The following ADK variants were observed in gnomAD, a reference collection of about 807,000 sequenced individuals.
ADK encodes N6,N6-dimethyladenosine kinase.
ADK carries 24 observed loss-of-function variants against 44.7 expected under a neutral mutation model. The observed-to-expected ratio is 0.54, with a 90% confidence interval of 0.39 to 0.76. The LOEUF is 0.76. Ranked by LOEUF, ADK falls within the 30% of genes least tolerant of loss-of-function variation. The probability of loss-of-function intolerance (pLI) is 0.00; values close to 1 mark genes in which losing one functional copy is unlikely to be tolerated. For synonymous variants in ADK, 128 were observed against 142.6 expected (o/e 0.90, Z 0.73); for missense variants, 321 against 425.1 (o/e 0.76, Z 2.15).
chr10:74,203,331 A>G (rs1022487616), intron 2 of ADK, among the ~76,000 whole-genome samples: 2 of 151,206 alleles, frequency 1.3e-5, no homozygotes, highest in African/African-American at 2.4e-5. Context: ...CCAGTATGAC[A>G]TTGGTGTTTT....
At chr10:74,325,036 T>C (rs1416425365) in intron 4 of ADK, among the ~76,000 whole-genome samples, 1 of 152,234 alleles carries the variant, frequency 6.6e-6, no homozygotes, top group Non-Finnish European at 1.5e-5. Context: ...ATGAAGATTA[T>C]CATTGTCATT....
chr10:74,443,586 T>G (rs1845497323), intron 6 of ADK, among the ~76,000 whole-genome samples: 1 of 152,164 alleles, frequency 6.6e-6, no homozygotes, highest in Non-Finnish European at 1.5e-5. Context: ...CAGGATTTCT[T>G]TGGGAGTTAG....
intron 9 of ADK, among the ~76,000 whole-genome samples, chr10:74,616,618 G>A (rs1409274614): frequency 1.3e-5 from 2 of 151,988 alleles, no homozygotes; most frequent in East Asian, 3.9e-4. Flanking sequence ...TGATAACTTA[G>A]GTTTATAATC....
At chr10:74,456,702 A>G (rs1028484801) in intron 6 of ADK, among the ~76,000 whole-genome samples, 5 of 150,642 alleles carry the variant, frequency 3.3e-5, no homozygotes, top group Admixed American at 1.3e-4. Context: ...CTCACTGAAA[A>G]CCACCCAACC....
At chr10:74,576,348 G>A (rs932619698) in intron 7 of ADK, among the ~76,000 whole-genome samples, 2 of 151,990 alleles carry the variant, frequency 1.3e-5, no homozygotes, top group African/African-American at 4.8e-5. Flanking sequence ...ATGCTAGAGT[G>A]CATGGGGAAA....
chr10:74,398,393 A>T, intron 5 of ADK, 78 bp from the exon 6 acceptor site: 1 of 911,202 alleles, frequency 1.1e-6, no homozygotes, highest in Non-Finnish European at 1.7e-6. Context: ...AACTTTGCAA[A>T]AAATATTGGT....
Position 74,177,945 on chromosome 10 carries a change from A to ATATTTTTT in ADK, c.66-22818_66-22817insATTTTTTT, listed in dbSNP as rs10693309. 4.1e-3 allele frequency among the ~76,000 whole-genome samples: 448 copies of ATATTTTTT among 108,942 alleles called. 3 individuals are homozygous for ATATTTTTT. Among genetic ancestry groups the ATATTTTTT allele is most frequent in the East Asian group, 0.019 (81 of 4,374 alleles). 71.5% of individuals were successfully genotyped at this position (108,942 alleles called of 152,430 possible). A position where few individuals can be genotyped will look rare whatever the true frequency, so the allele number is the denominator to read the frequency against. On this transcript the variant is annotated intron_variant, in intron 1 of 10. Coordinates refer to ENST00000539909, the MANE Select transcript of ADK (RefSeq NM_006721.4). ...TAATTATATATATATATATATATAT[A>ATATTTTTT]TTTTTTTTTTTTTGAGACAGAGTTT...
intron 9 of ADK, among the ~76,000 whole-genome samples, chr10:74,663,508 T>G (rs1201484068): frequency 3.3e-5 from 5 of 152,098 alleles, no homozygotes; most frequent in Non-Finnish European, 7.4e-5. Context: ...CATGAACATT[T>G]AATTTTTCCT....
intron 2 of ADK, among the ~76,000 whole-genome samples, chr10:74,206,283 G>T (rs1210636279): frequency 6.6e-6 from 1 of 152,206 alleles, no homozygotes; most frequent in Admixed American, 6.5e-5. Flanking sequence ...TCTTTGCTAT[G>T]TCTGAAGAAG....
At chr10:74,289,833 C>CA (rs34417435) in intron 3 of ADK, among the ~76,000 whole-genome samples, 86,809 of 135,838 alleles carry the variant, frequency 0.64, 27,152 homozygotes, top group Middle Eastern at 0.79. Flanking sequence ...TTTAGTGGGC[C>CA]AAAAAAAAAA....
At chr10:74,448,380 T>C (rs970091306) in intron 6 of ADK, among the ~76,000 whole-genome samples, 15 of 152,212 alleles carry the variant, frequency 9.9e-5, no homozygotes, top group African/African-American at 3.6e-4. Flanking sequence ...GCCTCAACTT[T>C]CCCATCTATG....
chr10:74,222,692 T>C (rs1399602928), intron 2 of ADK, among the ~76,000 whole-genome samples: 2 of 152,152 alleles, frequency 1.3e-5, no homozygotes, highest in African/African-American at 4.8e-5. Flanking sequence ...TAAAAAATGA[T>C]GAGTTTATGT....
chr10:74,259,322 TA>T (rs1845952298), intron 3 of ADK, among the ~76,000 whole-genome samples: 1 of 151,936 alleles, frequency 6.6e-6, no homozygotes, highest in Non-Finnish European at 1.5e-5. Context: ...TTATGTTAAA[TA>T]AGATGATTAG....
intron 4 of ADK, among the ~76,000 whole-genome samples, chr10:74,378,787 G>A (rs1317402565): frequency 6.6e-6 from 1 of 152,026 alleles, no homozygotes; most frequent in African/African-American, 2.4e-5. Context: ...CTAAAGGAGG[G>A]CATGTTTGGT....
chr10:74,316,084 A>C (rs192791210), intron 4 of ADK, among the ~76,000 whole-genome samples: 1 of 152,062 alleles, frequency 6.6e-6, no homozygotes, highest in Non-Finnish European at 1.5e-5. Flanking sequence ...CTAAAAAAAT[A>C]CAAAAATTAG....
intron 10 of ADK, among the ~76,000 whole-genome samples, chr10:74,685,770 T>G (rs1855763620): frequency 6.6e-6 from 1 of 152,162 alleles, no homozygotes; most frequent in Non-Finnish European, 1.5e-5. Context: ...GAGAGCTCGT[T>G]GGATGGGGAG....
intron 6 of ADK, among the ~76,000 whole-genome samples, chr10:74,403,188 A>G (rs375228102): frequency 4.6e-5 from 7 of 152,260 alleles, no homozygotes; most frequent in African/African-American, 1.4e-4. Flanking sequence ...TTACTCAGGG[A>G]TCAGGGACCC....
At chr10:74,663,248 AATAT>A (rs199853152) in intron 9 of ADK, among the ~76,000 whole-genome samples, 147 of 140,816 alleles carry the variant, frequency 1.0e-3, no homozygotes, top group South Asian at 2.9e-3. Context: ...AAAAAAAAAT[AATAT>A]ATATATATAT....
At chr10:74,509,644 A>C (rs987902747) in intron 6 of ADK, 6 of 152,184 alleles carry the variant, frequency 3.9e-5, no homozygotes, top group Admixed American at 2.6e-4. Flanking sequence ...TGTTAACTAA[A>C]TAGTCATCCT....
Sources: allele counts gnomAD v4.1 joint callset (sites outside exome capture counted in the v4.1 genomes callset), GRCh38; gene constraint gnomAD v4.1.1; transcripts MANE v1.5; gene names NCBI Gene and HGNC (gene_info 2026-07-23, HGNC 2026-07-21).